The following SH3TC2 variants were observed in gnomAD, a reference collection of about 807,000 sequenced individuals.
SH3TC2 encodes SH3 domain and tetratricopeptide repeats 2, also known as SH3 domain and tetratricopeptide repeat-containing protein 2.
Under a neutral mutation model 124.5 loss-of-function variants are expected in SH3TC2, and 87 were observed. The ratio of observed to expected loss-of-function variants is 0.70; its 90% CI spans 0.59 to 0.84. The LOEUF (loss-of-function observed/expected upper bound fraction) is 0.84. Among genes scored for constraint, SH3TC2 ranks in the 40% least tolerant of loss-of-function variants. SH3TC2 has a pLI of 0.00. For missense variants in SH3TC2, 1,536 were observed against 1,566.4 expected (o/e 0.98, Z 0.33); for synonymous variants, 634 against 628.5 (o/e 1.01, Z -0.13).
In SH3TC2 at chr5:149,010,358, G is replaced by T. The variant is rs1388683510; in HGVS notation, c.3239C>A (p.Pro1080His). 1.9e-6 allele frequency: 3 copies of T among 1,613,790 alleles called. No homozygotes were observed. Among genetic ancestry groups the T allele is most frequent in the East Asian group, 4.5e-5 (2 of 44,890 alleles). The change falls in exon 14 of 17, where the codon CCT becomes CAT. Residue 1080 changes from proline to histidine, a missense_variant. This residue lies in a region of SH3TC2 where 426 missense variants were observed against 443.5 expected (regional missense o/e 0.96). Transcript: ENST00000515425. Reference sequence around the variant, plus strand: ...TTCATAAAGTTTGAGAGCCAGCAAAGGCTCCTCTGACTTCAGGGCTGTCTG... The same window carrying T: ...TTCATAAAGTTTGAGAGCCAGCAAATGCTCCTCTGACTTCAGGGCTGTCTG... ...AIQTALKSEE[P>H]LLALKLYEEA...
rs776735616 is a variant in SH3TC2, at chr5:148,989,457, T to C, written c.*15254A>G. 3.9e-5 allele frequency among the ~76,000 whole-genome samples: 6 copies of C among 152,226 alleles called. No homozygotes were observed. The highest frequency in any genetic ancestry group is 1.3e-4 in the Admixed American group (2 of 15,288). On this transcript the variant is annotated 3_prime_UTR_variant, in exon 17 of 17. Coordinates refer to ENST00000515425, the MANE Select transcript of SH3TC2 (RefSeq NM_024577.4). ...TATGGCTGAGGAATATCTGAATTCATTCACATCCAGAAATCACATTGTAGT... is the reference window on the plus strand; with the variant it reads ...TATGGCTGAGGAATATCTGAATTCACTCACATCCAGAAATCACATTGTAGT...
chr5:149,008,218 C>T (rs1166285414), intron 15 of SH3TC2: 2 of 158,870 alleles, frequency 1.3e-5, no homozygotes, highest in Admixed American at 5.9e-5. Flanking sequence ...ATCAAACCTG[C>T]TTTTCTTCAA....
intron 12 of SH3TC2, among the ~76,000 whole-genome samples, chr5:149,024,403 A>G (rs1754030135): frequency 1.3e-5 from 2 of 152,142 alleles, no homozygotes; most frequent in Admixed American, 1.3e-4. Context: ...CAAGCCCTAA[A>G]AGCTTAGGTC....
chr5:149,035,691 T>C (rs1249888253), intron 8 of SH3TC2: 2 of 152,182 alleles, frequency 1.3e-5, no homozygotes, highest in African/African-American at 4.8e-5. Context: ...TCGGTACCAA[T>C]TGTGCAATCT....
In SH3TC2 at chr5:149,003,693, A is replaced by G. The variant is rs1158920935; in HGVS notation, c.*1018T>C. On this transcript the variant is annotated 3_prime_UTR_variant, in exon 17 of 17. Transcript: ENST00000515425. ...TTGTAAAGCAGCTGCCCTGAAATCA[A>G]TAAGATGCCTTGTAGTTGGGTATGG... is the stretch of plus-strand genomic sequence containing the variant. The G allele has an allele frequency of 5.1e-6, 2 of 389,886 alleles. No homozygotes were observed. The highest frequency in any genetic ancestry group is 1.9e-5 in the South Asian group (1 of 53,588). The allele number at this position is 389,886 out of a possible 1,614,324, so 24.2% of individuals were successfully genotyped here.
At chr5:149,047,297 T>C (rs1469396107) in intron 3 of SH3TC2, 2 of 154,604 alleles carry the variant, frequency 1.3e-5, no homozygotes, top group Non-Finnish European at 2.9e-5. Flanking sequence ...ATCTTGGTAC[T>C]TTAAAAATAT....
At position 148,996,411 on chromosome 5, in the gene SH3TC2, C is replaced by T. The variant is rs1273445141; in HGVS notation, c.*8300G>A. On this transcript the variant is annotated 3_prime_UTR_variant, in exon 17 of 17. Coordinates refer to ENST00000515425, the MANE Select transcript of SH3TC2 (RefSeq NM_024577.4). ...CTGTAAAACAACCGGAAATGAAAAT[C>T]CTCCAAGTAATCTTTCTGTTTGCTA... Among the ~76,000 whole-genome samples, 1 of 152,172 alleles carries T rather than the reference C, an allele frequency of 6.6e-6. No individual in the cohort carries two copies. The highest frequency in any genetic ancestry group is 1.5e-5 in the Non-Finnish European group (1 of 68,024).
intron 1 of SH3TC2, among the ~76,000 whole-genome samples, chr5:149,054,712 G>C (rs190378): frequency 6.6e-6 from 1 of 152,106 alleles, no homozygotes; most frequent in African/African-American, 2.4e-5. Context: ...GCAACAGTCA[G>C]CTGGGGCCAA....
chr5:149,027,850 T>A lies in SH3TC2; in HGVS notation c.1882A>T (p.Ser628Cys). ...CAGGCCCTGGCCTCCAGCGGGCTGC[T>A]GCCCACCACAATCCCCTGGCGCAGC... The part of the protein sequence containing the change: ...YVLRQGIVVG[S>C]SPLEARACFL... Residue 628 changes from serine to cysteine, a missense_variant, in exon 11 of 17, where the codon AGC becomes TGC. Coordinates refer to ENST00000515425, the MANE Select transcript of SH3TC2 (RefSeq NM_024577.4). The A allele has an allele frequency of 6.2e-7, 1 of 1,613,886 alleles. No homozygotes were observed. The highest frequency in any genetic ancestry group is 8.5e-7 in the Non-Finnish European group (1 of 1,180,028).
intron 9 of SH3TC2, among the ~76,000 whole-genome samples, chr5:149,030,870 C>T (rs1754180330): frequency 6.6e-6 from 1 of 152,218 alleles, no homozygotes; most frequent in Non-Finnish European, 1.5e-5. Flanking sequence ...AAATGTACTC[C>T]CTGACACACA....
intron 1 of SH3TC2, among the ~76,000 whole-genome samples, chr5:149,058,082 T>C (rs963045472): frequency 2.0e-5 from 3 of 152,198 alleles, no homozygotes; most frequent in African/African-American, 7.2e-5. Flanking sequence ...TTAGGAAAGA[T>C]AGCTTTCTGA....
At chr5:149,019,433 T>A (rs1753932571) in intron 12 of SH3TC2, among the ~76,000 whole-genome samples, 1 of 152,190 alleles carries the variant, frequency 6.6e-6, no homozygotes, top group Non-Finnish European at 1.5e-5. Context: ...CTCTGACACC[T>A]AAAATATTTC....
At chr5:149,051,945 G>A (rs186064940) in intron 2 of SH3TC2, among the ~76,000 whole-genome samples, 197 bp downstream of exon 2, 2 of 152,322 alleles carry the variant, frequency 1.3e-5, no homozygotes, top group African/African-American at 4.8e-5. Context: ...GAAGAGCTTT[G>A]AGTGACAGCT....
chr5:149,062,297 G>A (rs778667053), intron 1 of SH3TC2: 2 of 526,388 alleles, frequency 3.8e-6, no homozygotes, highest in Non-Finnish European at 7.8e-6. Flanking sequence ...ATTCTCCTCT[G>A]AAAAAAAGCA....
At chr5:149,051,283 T>C (rs1051553764) in intron 2 of SH3TC2, among the ~76,000 whole-genome samples, 1 of 152,244 alleles carries the variant, frequency 6.6e-6, no homozygotes, top group African/African-American at 2.4e-5. Context: ...TTCTGAAAGA[T>C]TCGTACAGAT....
Position 149,028,007 on chromosome 5 carries a change from C to A in SH3TC2, c.1725G>T (p.Leu575Phe), listed in dbSNP as rs376266262. 9.3e-6 allele frequency: 15 copies of A among 1,614,052 alleles called. No homozygotes were observed. The African/African-American group carries it at 1.7e-4, about 19-fold the overall frequency. ...GCCTCTGTTTCAGGTAGATGGCAGCCAAATTGATGTACAGAGTGGCCACCA... is the reference window on the plus strand; with the variant it reads ...GCCTCTGTTTCAGGTAGATGGCAGCAAAATTGATGTACAGAGTGGCCACCA... The part of the protein sequence containing the change: ...LSLVATLYIN[L>F]AAIYLKQRLR... The change falls in exon 11 of 17, where the codon TTG becomes TTT. Residue 575 changes from leucine (L) to phenylalanine (F), a missense_variant. This residue lies in a region of SH3TC2 where 1,102 missense variants were observed against 1,098.6 expected (regional missense o/e 1.00). Transcript: ENST00000515425.
intron 14 of SH3TC2, among the ~76,000 whole-genome samples, chr5:149,009,281 G>C (rs1753743640): frequency 6.6e-6 from 1 of 152,176 alleles, no homozygotes; most frequent in Admixed American, 6.5e-5. Context: ...TTTTCCCAAG[G>C]TCACGTGGAA....
At position 149,061,227 on chromosome 5, in the gene SH3TC2, TTTTG is replaced by T. The variant is rs200127568; in HGVS notation, c.52+1740_52+1743del. Reference sequence around the variant, plus strand: ...ATTATGATTTTGACCTTTTTCAATATTTTGTTTGTTTGTTTGTTTGTTTTCAGCT... The same window carrying T: ...ATTATGATTTTGACCTTTTTCAATATTTTGTTTGTTTGTTTGTTTTCAGCT... On this transcript the variant is annotated intron_variant, in intron 1 of 16. Transcript: ENST00000515425. Among the ~76,000 whole-genome samples the T allele has an allele frequency of 4.0e-3, 612 of 152,246 alleles. 4 individuals carry two copies. The highest frequency in any genetic ancestry group is 0.014 in the African/African-American group (563 of 41,532).
chr5:149,004,933 A>T (rs1163012817), intron 16 of SH3TC2, 31 bp from the exon 17 acceptor site: 1 of 1,613,148 alleles, frequency 6.2e-7, no homozygotes, highest in African/African-American at 1.3e-5. Context: ...CAAAGAAGAG[A>T]CAGCATTAGC....
Sources: gnomAD v4.1 joint callset for allele counts (sites outside exome capture counted in the v4.1 genomes callset) on GRCh38, gnomAD v4.1.1 for gene constraint, gnomAD v4.1.1 regional missense constraint, MANE v1.5 for transcripts, NCBI Gene and HGNC (gene_info 2026-07-23, HGNC 2026-07-21) for gene names.